MGAM: variants seen among roughly 807,000 people sequenced by gnomAD.
MGAM encodes the protein alpha-1,4-glucosidase.
In MGAM, 253 loss-of-function variants were observed where a neutral mutation model predicts 358.8. That is an observed-to-expected ratio of 0.71 (90% CI 0.64 to 0.78). The LOEUF is 0.78. Among genes scored for constraint, MGAM ranks in the 30% least tolerant of loss-of-function variants. The pLI is 0.00. For synonymous variants in MGAM, 1,105 were observed against 1,227.1 expected (o/e 0.90, Z 2.08); for missense variants, 3,080 against 3,432.6 (o/e 0.90, Z 2.57).
rs775791553 is a variant in MGAM at position 142,083,408 on chromosome 7, A to C, written c.6376A>C (p.Thr2126Pro). 6.5e-7 allele frequency: 1 copy of C among 1,543,000 alleles called. No homozygotes were observed. The highest frequency in any genetic ancestry group is 8.9e-7 in the Non-Finnish European group (1 of 1,123,354). ...TCCAGAGCTTGTCACCCAGCAGTAC[A>C]CTGAGGTAGGGAGAAATCCAATTGT... ...PTPELVTQQY[T>P]ELIGRPVMVP... Residue 2126 changes from threonine to proline, a missense_variant, in exon 53 of 71, where the codon ACT becomes CCT. Coordinates refer to ENST00000475668, the MANE Select transcript of MGAM (RefSeq NM_001365693.1).
chr7:142,052,182 G>A, intron 24 of MGAM, 112 bp from the exon 25 acceptor site: 1 of 910,784 alleles, frequency 1.1e-6, no homozygotes, highest in South Asian at 1.8e-5. Flanking sequence ...TTGCTTGGAT[G>A]TTTGAAAGTC....
At chr7:142,062,796 C>G in intron 35 of MGAM, 94 bp downstream of exon 35, 4 of 1,558,948 alleles carry the variant, frequency 2.6e-6, no homozygotes, top group Non-Finnish European at 3.5e-6. Context: ...AGAGGATAGT[C>G]ATTGTCCAAA....
chr7:142,061,180 C>T (rs749383957), intron 34 of MGAM, among the ~76,000 whole-genome samples: 2 of 152,278 alleles, frequency 1.3e-5, no homozygotes, highest in Admixed American at 6.5e-5. Flanking sequence ...AAGGGTCATC[C>T]GAGCAGTACT....
intron 70 of MGAM, among the ~76,000 whole-genome samples, chr7:142,104,835 C>T (rs1446121377): frequency 6.6e-5 from 10 of 152,080 alleles, no homozygotes; most frequent in Non-Finnish European, 1.2e-4. Context: ...CTTATCATCC[C>T]GATGGTAAAT....
intron 21 of MGAM, among the ~76,000 whole-genome samples, chr7:142,041,905 T>TAA (rs569378566): frequency 3.7e-5 from 1 of 26,704 alleles, no homozygotes; most frequent in African/African-American, 9.4e-5. Context: ...AATATATATA[T>TAA]TATATATATA....
At position 142,045,504 on chromosome 7, in the gene MGAM, A is replaced by C. The variant is rs1160109357; in HGVS notation, c.2499-2281A>C. ...ATACATACAATATATGATATTATAT[A>C]TTACATATACATATAATATATGATA... On this transcript the variant is annotated intron_variant, in intron 21 of 70. Coordinates refer to ENST00000475668, the MANE Select transcript of MGAM (RefSeq NM_001365693.1). Among the ~76,000 whole-genome samples, 44 of 110,928 alleles carry C rather than the reference A, an allele frequency of 4.0e-4. 4 individuals are homozygous for C. In the South Asian group the frequency reaches 0.011, roughly 28 times the overall value. 72.8% of individuals were successfully genotyped at this position (110,928 alleles called of 152,430 possible). A position where few individuals can be genotyped will look rare whatever the true frequency, so the allele number is the denominator to read the frequency against.
chr7:142,045,698 A>G (rs192094753), intron 21 of MGAM, among the ~76,000 whole-genome samples: 4,546 of 32,676 alleles, frequency 0.14, 476 homozygotes, highest in African/African-American at 0.23. Flanking sequence ...TACATACAAT[A>G]TATGAATATA....
At chr7:142,095,261 A>G (rs6952930) in intron 63 of MGAM, among the ~76,000 whole-genome samples, 142,066 of 152,294 alleles carry the variant, frequency 0.93, 66,957 homozygotes, top group Non-Finnish European at 1. Flanking sequence ...TGTTAAGCCC[A>G]TGGGTCTCAG....
At position 142,021,043 on chromosome 7, in the gene MGAM, T is replaced by G; in HGVS notation, c.518T>G (p.Leu173Arg). 6.2e-7 allele frequency: 1 copy of G among 1,613,398 alleles called. No homozygotes were observed. Among genetic ancestry groups the G allele is most frequent in the South Asian group, 1.1e-5 (1 of 91,030 alleles). ...VFGSNVDNVL[L>R]TAEYQTSNRF... Reference sequence around the variant, plus strand: ...GGAAGCAATGTTGACAATGTTCTTCTCACAGCAGAATATCAGACATCTAAT... The same window carrying G: ...GGAAGCAATGTTGACAATGTTCTTCGCACAGCAGAATATCAGACATCTAAT... The change falls in exon 5 of 71, where the codon CTC (leucine) becomes CGC (arginine). Residue 173 changes from leucine to arginine, a missense_variant. Leu to Arg is a moderately radical substitution (Grantham distance 102, BLOSUM62 -2). Coordinates refer to ENST00000475668, the MANE Select transcript of MGAM (RefSeq NM_001365693.1).
At position 142,078,981 on chromosome 7, in the gene MGAM, C is replaced by T; in HGVS notation, c.5820C>T (p.Tyr1940=). 2.6e-6 allele frequency: 4 copies of T among 1,555,166 alleles called. No individual in the cohort carries two copies. The highest frequency in any genetic ancestry group is 3.5e-6 in the Non-Finnish European group (4 of 1,131,796). ...PVNPLRLDVT[Y]HKNEMLQFKI... Reference sequence around the variant, plus strand: ...ACCCCCTTCGCCTGGATGTCACTTACCATAAGAATGAAATGCTACAGTTCA... The same window carrying T: ...ACCCCCTTCGCCTGGATGTCACTTATCATAAGAATGAAATGCTACAGTTCA... The change falls in exon 49 of 71, where the codon TAC becomes TAT. Residue 1940 remains tyrosine, a synonymous_variant. Transcript: ENST00000475668.
At chr7:142,048,651 A>C (rs1009642499) in intron 22 of MGAM, among the ~76,000 whole-genome samples, 4 of 152,008 alleles carry the variant, frequency 2.6e-5, no homozygotes, top group Non-Finnish European at 4.4e-5. Flanking sequence ...CCTGTGCTTC[A>C]AGTTTAGGAA....
chr7:142,040,422 A>G, intron 20 of MGAM: 2 of 583,596 alleles, frequency 3.4e-6, no homozygotes, highest in Non-Finnish European at 6.0e-6. Flanking sequence ...TCATAAATTA[A>G]TATTGGAGGA....
chr7:142,085,088 C>T (rs1814635352), intron 54 of MGAM, among the ~76,000 whole-genome samples: 1 of 146,526 alleles, frequency 6.8e-6, no homozygotes, highest in Non-Finnish European at 1.5e-5. Flanking sequence ...GCACAGTGTC[C>T]CATGAGCTCT....
In MGAM at chr7:142,092,186, C is replaced by T. The variant is rs1815448994; in HGVS notation, c.6945+139C>T. Reference sequence around the variant, plus strand: ...GGACATATCAGACACTTCCTCCTCTCAGGAGAGGAACAGCCCTGATAGCCC... The same window carrying T: ...GGACATATCAGACACTTCCTCCTCTTAGGAGAGGAACAGCCCTGATAGCCC... On this transcript the variant is annotated intron_variant, in intron 58 of 70. Coordinates refer to ENST00000475668, the MANE Select transcript of MGAM (RefSeq NM_001365693.1). 4.9e-6 allele frequency: 6 copies of T among 1,232,312 alleles called. 1 individual carries two copies. The South Asian group carries it at 6.5e-5, about 13-fold the overall frequency. 76.3% of individuals were successfully genotyped at this position (1,232,312 alleles called of 1,614,324 possible).
intron 36 of MGAM, 93 bp downstream of exon 36, chr7:142,063,679 G>A: frequency 2.2e-6 from 3 of 1,388,410 alleles, no homozygotes; most frequent in Non-Finnish European, 3.0e-6. Flanking sequence ...ACAGCTGAGG[G>A]CACATCCTCA....
intron 7 of MGAM, among the ~76,000 whole-genome samples, chr7:142,022,873 A>G (rs1049039325): frequency 6.6e-6 from 1 of 152,202 alleles, no homozygotes; most frequent in Non-Finnish European, 1.5e-5. Flanking sequence ...TATCATCACA[A>G]TAGGATAAAG....
intron 11 of MGAM, 60 bp downstream of exon 11, chr7:142,030,553 C>G: frequency 6.2e-7 from 1 of 1,609,242 alleles, no homozygotes; most frequent in Non-Finnish European, 8.5e-7. Flanking sequence ...ATACACCCAT[C>G]TCTCCTGCTT....
In MGAM at chr7:142,078,468, G is replaced by T; in HGVS notation, c.5644G>T (p.Glu1882Ter). 6.5e-7 allele frequency: 1 copy of T among 1,542,464 alleles called. No homozygotes were observed. Among genetic ancestry groups the T allele is most frequent in the East Asian group, 2.3e-5 (1 of 43,642 alleles). Residue 1882 changes from glutamate to a stop codon, truncating the protein, a stop_gained and splice_region_variant, in exon 48 of 71, where the codon GAG becomes TAG. Transcript: ENST00000475668. LOFTEE classifies it high-confidence loss of function. ...ENCTARGCIWEASNSSGVPFC... is the reference protein window; with the variant it reads ...ENCTARGCIW ...CTGCACTGCCCGTGGCTGTATCTGGGAGGTAACCATGCTGATGGGGTTCAT... is the reference window on the plus strand; with the variant it reads ...CTGCACTGCCCGTGGCTGTATCTGGTAGGTAACCATGCTGATGGGGTTCAT...
At chr7:142,041,970 TTATATA>T (rs72088649) in intron 21 of MGAM, among the ~76,000 whole-genome samples, 1 of 18,626 alleles carries the variant, frequency 5.4e-5, no homozygotes, top group African/African-American at 1.8e-4. Flanking sequence ...TATATATATA[TTATATA>T]TATATAATAT....
Sources: gnomAD v4.1 joint callset for allele counts (sites outside exome capture counted in the v4.1 genomes callset) on GRCh38, gnomAD v4.1.1 for gene constraint, MANE v1.5 for transcripts, NCBI Gene and HGNC (gene_info 2026-07-23, HGNC 2026-07-21) for gene names.